PCDHA10: variants seen among roughly 807,000 people sequenced by gnomAD.
PCDHA10 encodes protocadherin alpha 10.
In PCDHA10, 45 loss-of-function variants were observed where a neutral mutation model predicts 61.2. The observed-to-expected ratio is 0.74, with a 90% CI of 0.58 to 0.94. The LOEUF is 0.94. PCDHA10 is among the 40% of genes least tolerant of loss of function. The pLI is 0.00. For synonymous variants in PCDHA10, 602 were observed against 548.8 expected, an observed-to-expected ratio of 1.10 and a Z score of -1.35; for missense variants, 1,278 against 1,236.2, an observed-to-expected ratio of 1.03 and a Z score of -0.51.
At chr5:140,940,731 G>T (rs1195223562) in intron 1 of PCDHA10, among the ~76,000 whole-genome samples, 2 of 152,162 alleles carry the variant, frequency 1.3e-5, no homozygotes, top group Admixed American at 1.3e-4. Flanking sequence ...CAGCTGGACA[G>T]CTCCATATTT....
At chr5:140,910,907 G>T (rs1554194477) in intron 1 of PCDHA10, among the ~76,000 whole-genome samples, 3 of 152,102 alleles carry the variant, frequency 2.0e-5, no homozygotes, top group Admixed American at 2.0e-4. Flanking sequence ...CTGTCCTCCA[G>T]ATTTTTGCTT....
chr5:140,872,286 G>C (rs145153656), intron 1 of PCDHA10, among the ~76,000 whole-genome samples: 7 of 151,974 alleles, frequency 4.6e-5, no homozygotes, highest in Admixed American at 1.3e-4. Flanking sequence ...AAAAAGTTAA[G>C]CCTTGCATTC....
intron 3 of PCDHA10, among the ~76,000 whole-genome samples, chr5:140,989,687 G>A (rs956131200): frequency 2.0e-4 from 31 of 152,176 alleles, no homozygotes; most frequent in African/African-American, 6.3e-4. Flanking sequence ...TCAAAGGAAC[G>A]TGAAAATTTT....
chr5:140,926,793 G>T (rs2083556626), intron 1 of PCDHA10: 2 of 1,444,034 alleles, frequency 1.4e-6, no homozygotes, highest in Admixed American at 5.5e-5. Flanking sequence ...CGGCAGGAGC[G>T]TGCTCTTCCC....
intron 1 of PCDHA10, among the ~76,000 whole-genome samples, chr5:140,872,635 C>T (rs1172137990): frequency 6.6e-6 from 1 of 152,028 alleles, no homozygotes; most frequent in Non-Finnish European, 1.5e-5. Context: ...GATTTTGTTC[C>T]ATGAAAAGGC....
chr5:140,966,382 G>A, intron 1 of PCDHA10: 1 of 403,884 alleles, frequency 2.5e-6, no homozygotes, highest in Non-Finnish European at 4.3e-6. Context: ...GTCCGGGTTC[G>A]CTGTCCGCCA....
intron 1 of PCDHA10, chr5:140,860,525 C>T (rs1269714360): frequency 1.3e-5 from 2 of 152,112 alleles, no homozygotes; most frequent in Non-Finnish European, 2.9e-5. Context: ...TCATGGAATT[C>T]TGATTTGTAA....
intron 1 of PCDHA10, chr5:140,871,052 T>C (rs981101486): frequency 6.2e-7 from 1 of 1,613,156 alleles, no homozygotes; most frequent in Non-Finnish European, 8.5e-7. Flanking sequence ...CTAGTACTGG[T>C]GAAGGATCAC....
intron 1 of PCDHA10, among the ~76,000 whole-genome samples, chr5:140,890,467 AT>A (rs1562850687): frequency 1.3e-5 from 2 of 152,154 alleles, no homozygotes; most frequent in African/African-American, 4.8e-5. Context: ...AAATATTTCA[AT>A]TTTTTGTGCG....
chr5:140,914,022 C>T (rs1157309436), intron 1 of PCDHA10, among the ~76,000 whole-genome samples: 2 of 152,134 alleles, frequency 1.3e-5, no homozygotes, highest in African/African-American at 2.4e-5. Context: ...GAATGATCCA[C>T]GTGCTGAGAA....
intron 3 of PCDHA10, among the ~76,000 whole-genome samples, chr5:141,000,648 G>A (rs559996046): frequency 8.9e-4 from 134 of 150,894 alleles, no homozygotes; most frequent in African/African-American, 2.6e-3. Flanking sequence ...GGCTGGTCTC[G>A]AACTCCTGAC....
intron 1 of PCDHA10, among the ~76,000 whole-genome samples, chr5:140,962,596 T>C (rs2095694957): frequency 6.6e-6 from 1 of 152,218 alleles, no homozygotes; most frequent in South Asian, 2.1e-4. Flanking sequence ...TTGACTGATA[T>C]ATTTCTTCTG....
At chr5:140,958,913 C>T (rs1367853733) in intron 1 of PCDHA10, among the ~76,000 whole-genome samples, 12 of 151,050 alleles carry the variant, frequency 7.9e-5, no homozygotes, top group Non-Finnish European at 8.8e-5. Context: ...AAAAGTCTGC[C>T]TGGGTGTGGT....
chr5:140,969,880 A>G (rs1365035569), intron 1 of PCDHA10, among the ~76,000 whole-genome samples: 2 of 152,238 alleles, frequency 1.3e-5, no homozygotes, highest in Non-Finnish European at 2.9e-5. Flanking sequence ...CCTATGTGAT[A>G]GGATCCTCTG....
chr5:140,862,685 C>T (rs782248340), intron 1 of PCDHA10: 8 of 552,656 alleles, frequency 1.4e-5, no homozygotes, highest in Non-Finnish European at 1.8e-5. Flanking sequence ...GTGCTGGTGT[C>T]CTACTCGTTG....
chr5:140,863,202 G>A (rs559007513), intron 1 of PCDHA10: 5 of 934,632 alleles, frequency 5.3e-6, no homozygotes, highest in African/African-American at 1.7e-5. Flanking sequence ...CGTCGCTGGC[G>A]GAGAGCAGCC....
intron 3 of PCDHA10, among the ~76,000 whole-genome samples, chr5:140,997,376 C>T (rs1554255857): frequency 2.6e-5 from 4 of 152,144 alleles, no homozygotes. Flanking sequence ...GATGATATAG[C>T]ATACTACACA....
intron 1 of PCDHA10, among the ~76,000 whole-genome samples, chr5:140,898,020 AC>A (rs1483113036): frequency 6.6e-6 from 1 of 152,078 alleles, no homozygotes; most frequent in Non-Finnish European, 1.5e-5. Flanking sequence ...TCCTTTGCCC[AC>A]TTTTTGATGG....
rs781942781 is a variant in PCDHA10, at chr5:140,856,514, G to T, written c.466G>T (p.Ala156Ser). 5 of 1,598,422 alleles carry T rather than the reference G, an allele frequency of 3.1e-6. No individual in the cohort carries two copies. Among genetic ancestry groups the T allele is most frequent in the Non-Finnish European group, 3.4e-6 (4 of 1,167,886 alleles). The change falls in exon 1 of 4, where the codon GCA becomes TCA. Residue 156 changes from alanine to serine, a missense_variant. Ala to Ser is a moderately conservative substitution (Grantham distance 99). Transcript: ENST00000307360. ...TGACTCTCGATTTCCACTAGAAGGC[G>T]CATCTGATGCGGATGTTGGAGAGAA... Reference protein sequence around the residue: ...LLDSRFPLEGASDADVGENAL... With the variant: ...LLDSRFPLEGSSDADVGENAL...
Sources: gnomAD v4.1 joint callset for allele counts (sites outside exome capture counted in the v4.1 genomes callset) on GRCh38, gnomAD v4.1.1 for gene constraint, MANE v1.5 for transcripts, NCBI Gene and HGNC (gene_info 2026-07-23, HGNC 2026-07-21) for gene names.